The following FGF12 variants were observed in gnomAD, a reference collection of about 807,000 sequenced individuals.
FGF12 encodes fibroblast growth factor 12.
Under a neutral mutation model 23.6 loss-of-function variants are expected in FGF12, and 14 were observed. The observed-to-expected ratio is 0.59, with a 90% CI of 0.39 to 0.93. FGF12 has a LOEUF of 0.93. Among genes scored for constraint, FGF12 ranks in the 40% least tolerant of loss-of-function variants. The pLI, the probability that FGF12 is intolerant of heterozygous loss-of-function variation, is 0.00. For synonymous variants in FGF12, 62 were observed against 77.3 expected (o/e 0.80, Z 1.04); for missense variants, 175 against 217.8 (o/e 0.80, Z 1.24).
chr3:192,609,846 T>C (rs931848923), intron 2 of FGF12, among the ~76,000 whole-genome samples: 6 of 152,108 alleles, frequency 3.9e-5, no homozygotes, highest in Admixed American at 2.6e-4. Context: ...TTCACTGCAC[T>C]TGCTCACTTG....
chr3:192,434,178 C>T (rs977966356), intron 2 of FGF12, among the ~76,000 whole-genome samples: 27 of 152,180 alleles, frequency 1.8e-4, no homozygotes, highest in African/African-American at 5.1e-4. Flanking sequence ...GAAAACAAAA[C>T]ACATGTGAAC....
intron 2 of FGF12, among the ~76,000 whole-genome samples, chr3:192,396,937 T>G (rs1048209478): frequency 2.0e-5 from 3 of 152,150 alleles, no homozygotes; most frequent in African/African-American, 7.2e-5. Flanking sequence ...ACCTCCATCT[T>G]CACCAGATCA....
At chr3:192,417,450 G>A (rs1721392598) in intron 2 of FGF12, among the ~76,000 whole-genome samples, 1 of 151,768 alleles carries the variant, frequency 6.6e-6, no homozygotes, top group African/African-American at 2.4e-5. Flanking sequence ...TGTTCCTCCT[G>A]TAAGAACGTA....
chr3:192,469,859 CAAT>C (rs1376851603), intron 2 of FGF12, among the ~76,000 whole-genome samples: 1 of 152,082 alleles, frequency 6.6e-6, no homozygotes, highest in African/African-American at 2.4e-5. Context: ...GTCAGGAGAT[CAAT>C]AATAATACCA....
At chr3:192,444,646 A>G (rs1722297769) in intron 2 of FGF12, among the ~76,000 whole-genome samples, 1 of 152,188 alleles carries the variant, frequency 6.6e-6, no homozygotes, top group South Asian at 2.1e-4. Context: ...TCTAGACACC[A>G]TCACAGCCCT....
intron 3 of FGF12, among the ~76,000 whole-genome samples, chr3:192,339,755 C>T (rs553961334): frequency 2.2e-4 from 33 of 152,188 alleles, no homozygotes; most frequent in African/African-American, 4.1e-4. Flanking sequence ...GTGTATATTT[C>T]GGTAATGATA....
intron 2 of FGF12, among the ~76,000 whole-genome samples, chr3:192,469,205 C>T (rs1723100452): frequency 6.6e-6 from 1 of 152,120 alleles, no homozygotes; most frequent in African/African-American, 2.4e-5. Context: ...GGTGTCCTGG[C>T]TCTTTTTATG....
intron 4 of FGF12, among the ~76,000 whole-genome samples, chr3:192,205,816 T>C (rs1258268613): frequency 6.6e-6 from 1 of 152,192 alleles, no homozygotes; most frequent in African/African-American, 2.4e-5. Flanking sequence ...AAGATGAGAA[T>C]GCCAGCTATT....
chr3:192,438,595 G>C (rs1722098642), intron 2 of FGF12, among the ~76,000 whole-genome samples: 1 of 152,156 alleles, frequency 6.6e-6, no homozygotes, highest in Admixed American at 6.5e-5. Context: ...TTCTGCTTCA[G>C]CCTCTGAAGG....
chr3:192,323,417 T>G (rs2108684173), intron 4 of FGF12, among the ~76,000 whole-genome samples: 1 of 152,170 alleles, frequency 6.6e-6, no homozygotes, highest in East Asian at 1.9e-4. Flanking sequence ...GCAACAACAT[T>G]GATAGAACTG....
intron 2 of FGF12, among the ~76,000 whole-genome samples, chr3:192,708,569 C>A (rs1718564383): frequency 6.6e-6 from 1 of 152,134 alleles, no homozygotes; most frequent in African/African-American, 2.4e-5. Context: ...AATTTACCTT[C>A]TATTATATGC....
intron 2 of FGF12, among the ~76,000 whole-genome samples, chr3:192,393,588 A>C (rs1720397275): frequency 6.6e-6 from 1 of 152,204 alleles, no homozygotes; most frequent in African/African-American, 2.4e-5. Flanking sequence ...TCCTGTGTAT[A>C]CTGTAATCAT....
At chr3:192,593,301 C>A (rs1371751151) in intron 2 of FGF12, among the ~76,000 whole-genome samples, 2 of 151,806 alleles carry the variant, frequency 1.3e-5, no homozygotes, top group Non-Finnish European at 2.9e-5. Flanking sequence ...GTCTGGTCAA[C>A]TGCCATGCAC....
chr3:192,668,287 G>T (rs565692530), intron 2 of FGF12, among the ~76,000 whole-genome samples: 1 of 152,094 alleles, frequency 6.6e-6, no homozygotes, highest in Non-Finnish European at 1.5e-5. Context: ...GAACCAGAGC[G>T]GCAACCCACA....
At chr3:192,581,292 A>G (rs185152613) in intron 2 of FGF12, among the ~76,000 whole-genome samples, 1 of 152,068 alleles carries the variant, frequency 6.6e-6, no homozygotes, top group African/African-American at 2.4e-5. Context: ...ACAGCCGGGC[A>G]TAGTGGCTTA....
intron 2 of FGF12, among the ~76,000 whole-genome samples, chr3:192,466,297 C>A (rs1173751935): frequency 4.6e-5 from 7 of 152,204 alleles, no homozygotes; most frequent in Non-Finnish European, 1.0e-4. Flanking sequence ...ATGTCATTCA[C>A]ATGACGATAT....
At chr3:192,245,684 G>T (rs1192962155) in intron 4 of FGF12, among the ~76,000 whole-genome samples, 1 of 152,164 alleles carries the variant, frequency 6.6e-6, no homozygotes, top group Non-Finnish European at 1.5e-5. Flanking sequence ...AGGGAGACAA[G>T]AATATAATAG....
At chr3:192,275,763 T>C (rs928333931) in intron 4 of FGF12, among the ~76,000 whole-genome samples, 1 of 152,104 alleles carries the variant, frequency 6.6e-6, no homozygotes, top group Non-Finnish European at 1.5e-5. Context: ...TGAAGAAATA[T>C]GAATGTCAAG....
chr3:192,610,383 T>C (rs1321563591), intron 2 of FGF12, among the ~76,000 whole-genome samples: 1 of 152,126 alleles, frequency 6.6e-6, no homozygotes, highest in Non-Finnish European at 1.5e-5. Context: ...TGAACAGTGA[T>C]GATGTATATC....
Sources: allele counts gnomAD v4.1 joint callset (sites outside exome capture counted in the v4.1 genomes callset), GRCh38; gene constraint gnomAD v4.1.1; transcripts MANE v1.5; gene names NCBI Gene and HGNC (gene_info 2026-07-23, HGNC 2026-07-21).